The following PCDHA1 variants were observed in gnomAD, a reference collection of about 807,000 sequenced individuals.
PCDHA1 encodes the protein protocadherin alpha-1.
Under a neutral mutation model 61.3 loss-of-function variants are expected in PCDHA1, and 42 were observed. That is an observed-to-expected ratio of 0.69 (90% CI 0.54 to 0.89). The LOEUF (loss-of-function observed/expected upper bound fraction) is 0.89, where lower values mean the gene tolerates loss of function less well. PCDHA1 is among the 40% of genes least tolerant of loss of function. The probability of loss-of-function intolerance (pLI) is 0.00; values close to 1 mark genes in which losing one functional copy is unlikely to be tolerated. For synonymous variants in PCDHA1, 610 were observed against 553.8 expected, an observed-to-expected ratio of 1.10 and a Z score of -1.43; for missense variants, 1,256 against 1,235.3, an observed-to-expected ratio of 1.02 and a Z score of -0.25.
At position 140,983,206 on chromosome 5, in the gene PCDHA1, C is replaced by G. The variant is rs184479967; in HGVS notation, c.2542+643C>G. 1.8e-3 allele frequency among the ~76,000 whole-genome samples: 271 copies of G among 152,316 alleles called. 2 individuals are homozygous for G. Among genetic ancestry groups the G allele is most frequent in the South Asian group, 2.5e-3 (12 of 4,822 alleles). On this transcript the variant is annotated intron_variant, in intron 3 of 3. Transcript: ENST00000504120. ...TCTTAGTTTAGAGGGATAATAGGGA[C>G]TATTTCCTAATCCAAACTTTCAGGA...
chr5:140,846,328 A>G (rs188043229), intron 1 of PCDHA1, among the ~76,000 whole-genome samples: 2 of 147,118 alleles, frequency 1.4e-5, no homozygotes, highest in East Asian at 3.9e-4. Flanking sequence ...TGTTGTAAAT[A>G]GCCTTTTAAA....
chr5:140,906,669 A>G (rs2153496058), intron 1 of PCDHA1, among the ~76,000 whole-genome samples: 1 of 152,302 alleles, frequency 6.6e-6, no homozygotes. Context: ...GTAGTGACCC[A>G]AACCTTCATT....
chr5:140,925,673 T>TAATAAA (rs2082657999), intron 1 of PCDHA1, among the ~76,000 whole-genome samples: 1 of 146,030 alleles, frequency 6.8e-6, no homozygotes, highest in Non-Finnish European at 1.5e-5. Context: ...ATAATAATAA[T>TAATAAA]AATAAAGCGA....
At position 140,794,945 on chromosome 5, in the gene PCDHA1, C is replaced by T. The variant is rs1369206087; in HGVS notation, c.2394+6261C>T. 3.1e-6 allele frequency: 5 copies of T among 1,589,388 alleles called. No individual in the cohort carries two copies. In the South Asian group the frequency reaches 4.6e-5, roughly 14 times the overall value. The stretch of plus-strand genomic sequence containing the variant: ...GCAAAACATGCTCTTCTAATTTGAT[C>T]AAAACATTGAGGATTGGTAATGGCG... On this transcript the variant is annotated intron_variant, in intron 1 of 3. Transcript: ENST00000504120.
At chr5:140,967,456 G>C in intron 1 of PCDHA1, 1 of 1,613,598 alleles carries the variant, frequency 6.2e-7, no homozygotes, top group Non-Finnish European at 8.5e-7. Context: ...TCACAGCCGT[G>C]GATGGGGGCA....
At chr5:140,952,970 T>C (rs2094826762) in intron 1 of PCDHA1, among the ~76,000 whole-genome samples, 1 of 152,000 alleles carries the variant, frequency 6.6e-6, no homozygotes, top group Non-Finnish European at 1.5e-5. Context: ...TACACACTTT[T>C]AAACAACAAG....
At chr5:140,876,204 G>A (rs1582266262) in intron 1 of PCDHA1, 1 of 1,613,934 alleles carries the variant, frequency 6.2e-7, no homozygotes, top group Non-Finnish European at 8.5e-7. Flanking sequence ...CGTTTGATAA[G>A]CCCAGCTATA....
At chr5:140,861,560 C>T in intron 1 of PCDHA1, 2 of 391,164 alleles carry the variant, frequency 5.1e-6, no homozygotes, top group African/African-American at 2.1e-5. Flanking sequence ...TGATCGTGGA[C>T]AAGCTGCTAC....
At chr5:140,882,294 C>T (rs1554173437) in intron 1 of PCDHA1, 1 of 1,613,662 alleles carries the variant, frequency 6.2e-7, no homozygotes. Flanking sequence ...CAAGGAGGCC[C>T]AAGACCGCGG....
At chr5:140,946,314 T>C (rs1307176539) in intron 1 of PCDHA1, among the ~76,000 whole-genome samples, 2 of 151,808 alleles carry the variant, frequency 1.3e-5, no homozygotes, top group African/African-American at 4.8e-5. Flanking sequence ...ATGGCTATTA[T>C]TGAAAGAGGA....
chr5:140,797,470 G>A (rs1420055118), intron 1 of PCDHA1: 4 of 1,218,758 alleles, frequency 3.3e-6, no homozygotes, highest in Non-Finnish European at 4.6e-6. Context: ...ATCCTACCGT[G>A]CGATTTTGAA....
At chr5:140,826,886 C>A (rs1769095923) in intron 1 of PCDHA1, among the ~76,000 whole-genome samples, 1 of 151,996 alleles carries the variant, frequency 6.6e-6, no homozygotes, top group African/African-American at 2.4e-5. Context: ...GAAAGCTGTA[C>A]TCATAAAGAT....
chr5:141,000,421 A>ATATTTTT (rs1265241806), intron 3 of PCDHA1, among the ~76,000 whole-genome samples: 1 of 27,968 alleles, frequency 3.6e-5, no homozygotes, highest in Non-Finnish European at 5.7e-5. Context: ...ATATATATAT[A>ATATTTTT]TTTTTTTTTT....
chr5:140,861,870 GC>G (rs1319389506), intron 1 of PCDHA1: 1 of 156,092 alleles, frequency 6.4e-6, no homozygotes, highest in East Asian at 1.9e-4. Context: ...ACTGATGGGG[GC>G]GAAGCTGAGC....
At chr5:140,967,219 C>G in intron 1 of PCDHA1, 1 of 1,613,772 alleles carries the variant, frequency 6.2e-7, no homozygotes, top group Non-Finnish European at 8.5e-7. Flanking sequence ...TCCCGCGGCC[C>G]AACTACCAGC....
intron 1 of PCDHA1, chr5:140,884,024 G>T: frequency 1.2e-6 from 2 of 1,613,318 alleles, no homozygotes; most frequent in South Asian, 2.2e-5. Flanking sequence ...GCGGTCGGTG[G>T]GTGCAGGCCA....
At chr5:140,802,067 G>T in intron 1 of PCDHA1, 1 of 1,614,120 alleles carries the variant, frequency 6.2e-7, no homozygotes, top group East Asian at 2.2e-5. Flanking sequence ...CAGATATTCT[G>T]TCAAAATTCC....
intron 1 of PCDHA1, chr5:140,926,964 C>G (rs149218057): frequency 1.9e-6 from 3 of 1,606,346 alleles, no homozygotes; most frequent in African/African-American, 2.7e-5. Flanking sequence ...AGCTCGAGTA[C>G]TCAGTGCCGG....
At chr5:140,876,445 A>G in intron 1 of PCDHA1, 1 of 1,614,014 alleles carries the variant, frequency 6.2e-7, no homozygotes, top group Non-Finnish European at 8.5e-7. Context: ...CGCCATTGAT[A>G]AAGGGATTCC....
Sources: gnomAD v4.1 joint callset for allele counts (sites outside exome capture counted in the v4.1 genomes callset) on GRCh38, gnomAD v4.1.1 for gene constraint, MANE v1.5 for transcripts, NCBI Gene and HGNC (gene_info 2026-07-23, HGNC 2026-07-21) for gene names.